PITPNM1: variants seen among roughly 807,000 people sequenced by gnomAD.
PITPNM1 encodes phosphatidylinositol transfer protein membrane associated 1.
In PITPNM1, 74 loss-of-function variants were observed where a neutral mutation model predicts 133.3. The ratio of observed to expected loss-of-function variants is 0.56; its 90% CI spans 0.46 to 0.67. The LOEUF is 0.67. Among genes scored for constraint, PITPNM1 ranks in the 30% least tolerant of loss-of-function variants. The pLI is 0.00. For synonymous variants in PITPNM1, 738 were observed against 741.4 expected (o/e 1.00, Z 0.08); for missense variants, 1,398 against 1,739.5 (o/e 0.80, Z 3.49).
At position 67,497,219 on chromosome 11, in the gene PITPNM1, C is replaced by T; in HGVS notation, c.2146+12G>A. 6.3e-7 allele frequency: 1 copy of T among 1,596,796 alleles called. No individual in the cohort carries two copies. Among genetic ancestry groups the T allele is most frequent in the African/African-American group, 1.3e-5 (1 of 74,766 alleles). On this transcript the variant is annotated intron_variant, in intron 14 of 23. Transcript: ENST00000356404. The stretch of plus-strand genomic sequence containing the variant: ...AGAGACTAGAGGCGCCCCCGCAGCC[C>T]CTAGGACTCACCCTCCAGGGCGGGC...
chr11:67,495,050 T>A, intron 17 of PITPNM1, 27 bp downstream of exon 17: 1 of 1,607,370 alleles, frequency 6.2e-7, no homozygotes, highest in South Asian at 1.1e-5. Flanking sequence ...CCCATTCTCA[T>A]CTCCCATTCC....
rs1046173126 is a variant in PITPNM1 at position 67,491,895 on chromosome 11, A to G, written c.*138T>C. Reference sequence around the variant, plus strand: ...ATATGAAAGGGAAGTAACACCGAGGAGCACACGGAGATATAGGGTGTGGGG... The same window carrying G: ...ATATGAAAGGGAAGTAACACCGAGGGGCACACGGAGATATAGGGTGTGGGG... On this transcript the variant is annotated 3_prime_UTR_variant, in exon 24 of 24. Coordinates refer to ENST00000356404, the MANE Select transcript of PITPNM1 (RefSeq NM_004910.3). 2.2e-6 allele frequency: 2 copies of G among 929,748 alleles called. No homozygotes were observed. Among genetic ancestry groups the G allele is most frequent in the African/African-American group, 1.7e-5 (1 of 60,206 alleles). 57.6% of individuals were successfully genotyped at this position (929,748 alleles called of 1,614,324 possible). A position where few individuals can be genotyped will look rare whatever the true frequency, so the allele number is the denominator to read the frequency against.
rs538421248 is a variant in PITPNM1 at position 67,497,122 on chromosome 11, G to A, written c.2146+109C>T. On this transcript the variant is annotated intron_variant, in intron 14 of 23. Transcript: ENST00000356404. ...CTTCTGTAGCCAGGCCTTTGAATTA[G>A]TACAGTGGGGAAGTTGCTCATGCCT... 9.8e-4 allele frequency: 883 copies of A among 903,184 alleles called. 6 individuals carry two copies. In the African/African-American group the frequency reaches 0.01, roughly 11 times the overall value. 55.9% of individuals were successfully genotyped at this position (903,184 alleles called of 1,614,324 possible).
Position 67,493,305 on chromosome 11 carries a change from G to A in PITPNM1, c.3342+105C>T, listed in dbSNP as rs541559545. 2.4e-5 allele frequency: 31 copies of A among 1,298,602 alleles called. No individual in the cohort carries two copies. In the African/African-American group the frequency reaches 3.6e-4, roughly 15 times the overall value. 80.4% of individuals were successfully genotyped at this position (1,298,602 alleles called of 1,614,324 possible). ...GGGCCGCTGCAGTCAGGCAGGGCCC[G>A]GGCCGATCCAGTTGGGAACAGATGG... On this transcript the variant is annotated intron_variant, in intron 22 of 23. Coordinates refer to ENST00000356404, the MANE Select transcript of PITPNM1 (RefSeq NM_004910.3).
rs778990417 is a variant in PITPNM1, at chr11:67,491,993, G to T, written c.*40C>A. ...ACACGCAGCCCCTCGGGCCCCTTGGGTGTGTCAATAAATAACCCAGGTCCA... is the reference window on the plus strand; with the variant it reads ...ACACGCAGCCCCTCGGGCCCCTTGGTTGTGTCAATAAATAACCCAGGTCCA... On this transcript the variant is annotated 3_prime_UTR_variant, in exon 24 of 24. Coordinates refer to ENST00000356404, the MANE Select transcript of PITPNM1 (RefSeq NM_004910.3). The T allele has an allele frequency of 1.3e-6, 2 of 1,597,006 alleles. No individual in the cohort carries two copies. Among genetic ancestry groups the T allele is most frequent in the Admixed American group, 1.7e-5 (1 of 59,110 alleles).
At chr11:67,495,859 C>T (rs1345002228) in intron 15 of PITPNM1, among the ~76,000 whole-genome samples, 7 of 152,232 alleles carry the variant, frequency 4.6e-5, no homozygotes, top group African/African-American at 1.2e-4. Context: ...GGGCATGCCC[C>T]GCAATAAATG....
intron 7 of PITPNM1, 38 bp downstream of exon 7, chr11:67,499,876 G>A (rs1866267251): frequency 1.3e-6 from 2 of 1,598,206 alleles, no homozygotes; most frequent in South Asian, 1.1e-5. Context: ...GAGCTGCTCG[G>A]GGACATCCCC....
In PITPNM1 at chr11:67,491,792, C is replaced by T; in HGVS notation, c.*241G>A. ...GTGGGGTGCAGGTGGCGTTTATTTT[C>T]ATGGATTTATACACACTGGAAAAGC... On this transcript the variant is annotated 3_prime_UTR_variant, in exon 24 of 24. Transcript: ENST00000356404. 1.9e-6 allele frequency: 1 copy of T among 513,982 alleles called. No homozygotes were observed. Among genetic ancestry groups the T allele is most frequent in the Non-Finnish European group, 3.4e-6 (1 of 291,456 alleles). The allele number at this position is 513,982 out of a possible 1,614,324, so 31.8% of individuals were successfully genotyped here. A position where few individuals can be genotyped will look rare whatever the true frequency, so the allele number is the denominator to read the frequency against.
In PITPNM1 at chr11:67,504,347, C is replaced by G. The variant is rs1866426387; in HGVS notation, c.-41-126G>C. ...GGGCCCGCCACGAGGGAGGCAGAGG[C>G]GAGCCTAGCACCGCCGCCCGCGCCG... On this transcript the variant is annotated intron_variant, in intron 1 of 23. Coordinates refer to ENST00000356404, the MANE Select transcript of PITPNM1 (RefSeq NM_004910.3). The surrounding 1 kb of genome is among the most constrained non-coding windows in gnomAD (Gnocchi z 5.4). 1 of 323,260 alleles carries G rather than the reference C, an allele frequency of 3.1e-6. No individual in the cohort carries two copies. Among genetic ancestry groups the G allele is most frequent in the South Asian group, 1.4e-4 (1 of 7,250 alleles). 20.0% of individuals were successfully genotyped at this position (323,260 alleles called of 1,614,324 possible). A position where few individuals can be genotyped will look rare whatever the true frequency, so the allele number is the denominator to read the frequency against.
rs770728960 is a variant in PITPNM1 at position 67,493,045 on chromosome 11, C to G, written c.3360G>C (p.Val1120=). ...CATCTTTGGGAGACCCATAACCGGCCACGATGTTCAGTTCTACCTGTGGCG... is the reference window on the plus strand; with the variant it reads ...CATCTTTGGGAGACCCATAACCGGCGACGATGTTCAGTTCTACCTGTGGCG... The part of the protein sequence containing the change: ...SLVQEVELNI[V]AGYGSPKDVA... Residue 1120 remains valine, a synonymous_variant, in exon 23 of 24, where the codon GTG becomes GTC. Transcript: ENST00000356404. The G allele has an allele frequency of 5.0e-6, 8 of 1,613,036 alleles. No homozygotes were observed. Among genetic ancestry groups the G allele is most frequent in the Non-Finnish European group, 6.8e-6 (8 of 1,179,930 alleles).
Position 67,502,120 on chromosome 11 carries a change from G to A in PITPNM1, c.416-34C>T. Reference sequence around the variant, plus strand: ...GTTCGGCAAGCATTGAGCAGCGCCAGCCCCTTTGAGCCCCCGCTCCTGGCA... The same window carrying A: ...GTTCGGCAAGCATTGAGCAGCGCCAACCCCTTTGAGCCCCCGCTCCTGGCA... On this transcript the variant is annotated intron_variant, in intron 4 of 23. Transcript: ENST00000356404. The surrounding 1 kb of genome is among the most constrained non-coding windows in gnomAD (Gnocchi z 5.9). 3 of 1,586,942 alleles carry A rather than the reference G, an allele frequency of 1.9e-6. No homozygotes were observed. The highest frequency in any genetic ancestry group is 2.6e-6 in the Non-Finnish European group (3 of 1,162,016).
rs776949771 is a variant in PITPNM1, at chr11:67,497,240, C to T, written c.2137G>A (p.Ala713Thr). 9.3e-6 allele frequency: 15 copies of T among 1,606,074 alleles called. No homozygotes were observed. The highest frequency in any genetic ancestry group is 6.7e-5 in the East Asian group (3 of 44,764). The change falls in exon 14 of 24, where the codon GCC becomes ACC. Residue 713 changes from alanine to threonine, a missense_variant. By Grantham distance (58) the Ala-to-Thr change is moderately conservative. This residue lies in a region of PITPNM1 where 574 missense variants were observed against 698.7 expected (regional missense o/e 0.82). Coordinates refer to ENST00000356404, the MANE Select transcript of PITPNM1 (RefSeq NM_004910.3). ...AGCCCCTAGGACTCACCCTCCAGGG[C>T]GGGCATCACAGTTTTGCGCAGAGCC... ...VLALRKTVMP[A>T]LEAAQMRPAC...
chr11:67,501,959 TGCC>T lies in PITPNM1; in HGVS notation c.540_542del (p.Ala181del), dbSNP rs1302079319. On this transcript the variant is annotated inframe_deletion, in exon 5 of 24. Transcript: ENST00000356404. Reference sequence around the variant, plus strand: ...AGGCACACATAAGGGGCCCCGTCTGTGCCGCCGTCCGTGCCCAGTCATCAGACA... The same window carrying T: ...AGGCACACATAAGGGGCCCCGTCTGTGCCGTCCGTGCCCAGTCATCAGACA... 1.2e-6 allele frequency: 2 copies of T among 1,613,414 alleles called. No individual in the cohort carries two copies. The highest frequency in any genetic ancestry group is 2.2e-5 in the South Asian group (2 of 91,092).
chr11:67,497,713 C>T (rs752069372), intron 12 of PITPNM1, 34 bp from the exon 13 acceptor site: 1 of 1,602,110 alleles, frequency 6.2e-7, no homozygotes, highest in Non-Finnish European at 8.5e-7. Flanking sequence ...CATTCTTAGG[C>T]CTGGGGACCA....
At position 67,497,505 on chromosome 11, in the gene PITPNM1, T is replaced by C; in HGVS notation, c.1940+17A>G. 1 of 1,603,104 alleles carries C rather than the reference T, an allele frequency of 6.2e-7. No individual in the cohort carries two copies. The highest frequency in any genetic ancestry group is 8.5e-7 in the Non-Finnish European group (1 of 1,175,362). On this transcript the variant is annotated intron_variant, in intron 13 of 23. Coordinates refer to ENST00000356404, the MANE Select transcript of PITPNM1 (RefSeq NM_004910.3). ...CATCATGTGCCCAGGGTAGGGGTGATGGGGCAGGGACGTCACCTGTTCTGA... is the reference window on the plus strand; with the variant it reads ...CATCATGTGCCCAGGGTAGGGGTGACGGGGCAGGGACGTCACCTGTTCTGA...
rs1439648389 is a variant in PITPNM1 at position 67,492,801 on chromosome 11, G to A, written c.3471+133C>T. 7 of 1,176,306 alleles carry A rather than the reference G, an allele frequency of 6.0e-6. No individual in the cohort carries two copies. In the African/African-American group the frequency reaches 6.1e-5, roughly 10 times the overall value. 72.9% of individuals were successfully genotyped at this position (1,176,306 alleles called of 1,614,324 possible). A position where few individuals can be genotyped will look rare whatever the true frequency, so the allele number is the denominator to read the frequency against. ...CAAGCTGCTCATGGCCCTTGTCCTC[G>A]GAGGATCCCAGGTTCCCTGGAGGCC... On this transcript the variant is annotated intron_variant, in intron 23 of 23. Coordinates refer to ENST00000356404, the MANE Select transcript of PITPNM1 (RefSeq NM_004910.3).
chr11:67,499,213 C>T (rs1014599760), intron 8 of PITPNM1, among the ~76,000 whole-genome samples: 11 of 152,188 alleles, frequency 7.2e-5, no homozygotes, highest in Non-Finnish European at 1.2e-4. Flanking sequence ...CCTCTCCACA[C>T]AATGCCTGTT....
In PITPNM1 at chr11:67,497,962, A is replaced by T; in HGVS notation, c.1737T>A (p.Ala579=). Residue 579 remains alanine (A), a synonymous_variant, in exon 12 of 24, where the codon GCT becomes GCA. Transcript: ENST00000356404. The part of the protein sequence containing the change: ...ILGFDALCHS[A]NAGTGSRGSS... Reference sequence around the variant, plus strand: ...TGCCCCGACTCCCGGTGCCCGCGTTAGCACTGTGGCAGAGTGCATCAAAGC... The same window carrying T: ...TGCCCCGACTCCCGGTGCCCGCGTTTGCACTGTGGCAGAGTGCATCAAAGC... 1 of 1,611,368 alleles carries T rather than the reference A, an allele frequency of 6.2e-7. No homozygotes were observed. The highest frequency in any genetic ancestry group is 8.5e-7 in the Non-Finnish European group (1 of 1,179,970).
At chr11:67,499,081 C>T (rs1565193445) in intron 8 of PITPNM1, 80 bp from the exon 9 acceptor site, 6 of 1,410,968 alleles carry the variant, frequency 4.3e-6, no homozygotes, top group Non-Finnish European at 5.8e-6. Flanking sequence ...CACCCCAGTT[C>T]TGGCATCTGC....
Sources: gnomAD v4.1 joint callset for allele counts (sites outside exome capture counted in the v4.1 genomes callset) on GRCh38, gnomAD v4.1.1 for gene constraint, gnomAD v4.1.1 regional missense constraint, Gnocchi (gnomAD v3.1) non-coding constraint, MANE v1.5 for transcripts, NCBI Gene and HGNC (gene_info 2026-07-23, HGNC 2026-07-21) for gene names.